The following STYXL1 variants were observed in gnomAD, a reference collection of about 807,000 sequenced individuals.
The protein encoded by STYXL1 is serine/threonine/tyrosine interacting like 1.
A neutral mutation model predicts 36.4 loss-of-function variants in STYXL1; 32 were observed. The ratio of observed to expected loss-of-function variants is 0.88; its 90% CI spans 0.66 to 1.18. The LOEUF is 1.18. Ranked by LOEUF, STYXL1 falls within the 50% of genes most tolerant of loss-of-function variation. STYXL1 has a pLI of 0.00. For synonymous variants in STYXL1, 133 were observed against 144.1 expected, an observed-to-expected ratio of 0.92 and a Z score of 0.55; for missense variants, 354 against 394.1, an observed-to-expected ratio of 0.90 and a Z score of 0.86.
chr7:76,033,662 C>A (rs1255266066), intron 1 of STYXL1, among the ~76,000 whole-genome samples: 2 of 152,120 alleles, frequency 1.3e-5, no homozygotes, highest in Non-Finnish European at 2.9e-5. Flanking sequence ...GTTCTCAGCA[C>A]CCCCTCCACA....
At chr7:76,012,748 T>A (rs1554572561) in intron 5 of STYXL1, among the ~76,000 whole-genome samples, 3 of 152,118 alleles carry the variant, frequency 2.0e-5, no homozygotes, top group African/African-American at 7.2e-5. Context: ...CTCAGGCCGG[T>A]CTCAAAGTAC....
At chr7:76,042,389 G>GTTTTTTTT (rs1563528839) in intron 1 of STYXL1, among the ~76,000 whole-genome samples, 1 of 22,246 alleles carries the variant, frequency 4.5e-5, no homozygotes, top group African/African-American at 7.5e-5. Context: ...GCCCTTATGT[G>GTTTTTTTT]CTTTTTTTTT....
intron 6 of STYXL1, 137 bp downstream of exon 6, chr7:76,005,122 C>G: frequency 4.9e-6 from 2 of 411,600 alleles, no homozygotes; most frequent in Non-Finnish European, 7.0e-6. Flanking sequence ...ACATATGTAA[C>G]AAACCTGCCC....
chr7:76,044,269 C>T (rs2116534981), intron 1 of STYXL1: 1 of 152,300 alleles, frequency 6.6e-6, no homozygotes, highest in South Asian at 2.1e-4. Flanking sequence ...ATTCTCCTGC[C>T]TTAGCTTCCT....
At chr7:76,042,025 T>C (rs1041726257) in intron 1 of STYXL1, among the ~76,000 whole-genome samples, 6 of 152,198 alleles carry the variant, frequency 3.9e-5, no homozygotes, top group African/African-American at 7.2e-5. Flanking sequence ...CTTGTCGAGA[T>C]TGATGTGTTT....
chr7:76,022,185 T>C (rs531220983), intron 3 of STYXL1, among the ~76,000 whole-genome samples, 193 bp from the exon 4 acceptor site: 1 of 152,248 alleles, frequency 6.6e-6, no homozygotes, highest in Non-Finnish European at 1.5e-5. Context: ...CACAACTGTG[T>C]TCCCTTCTGA....
chr7:76,005,532 T>A, intron 5 of STYXL1, 128 bp from the exon 6 acceptor site: 1 of 868,884 alleles, frequency 1.2e-6, no homozygotes, highest in Admixed American at 2.3e-5. Flanking sequence ...GTGACGGAGA[T>A]CCAGACTTTG....
intron 5 of STYXL1, among the ~76,000 whole-genome samples, chr7:76,006,232 C>G (rs1300255423): frequency 4.6e-5 from 7 of 152,018 alleles, no homozygotes; most frequent in Non-Finnish European, 1.0e-4. Context: ...TGACCATACT[C>G]AGCTAATTTT....
chr7:76,003,828 C>T lies in STYXL1; in HGVS notation c.627G>A (p.Leu209=), dbSNP rs1392454221. The change falls in exon 7 of 9, where the codon CTG becomes CTA. Residue 209 remains leucine, a synonymous_variant. Coordinates refer to ENST00000359697, the MANE Select transcript of STYXL1 (RefSeq NM_001317785.2). The part of the protein sequence containing the change: ...PFFAGDADKL[L]HIRIEDSPEA... ...CCGGGGAATCTTCTATCCGGATGTG[C>T]AGAAGCTTGTCAGCATCGCCTGCAA... 1.2e-6 allele frequency: 2 copies of T among 1,614,052 alleles called. No homozygotes were observed. The highest frequency in any genetic ancestry group is 1.7e-6 in the Non-Finnish European group (2 of 1,180,044).
intron 5 of STYXL1, among the ~76,000 whole-genome samples, chr7:76,009,016 A>T (rs1170181120): frequency 6.6e-6 from 1 of 151,888 alleles, no homozygotes; most frequent in African/African-American, 2.4e-5. Flanking sequence ...ACCAAAACAA[A>T]ACAAAACAAA....
At chr7:76,019,982 T>C (rs1554575510) in intron 4 of STYXL1, among the ~76,000 whole-genome samples, 1 of 150,628 alleles carries the variant, frequency 6.6e-6, no homozygotes, top group East Asian at 1.9e-4. Flanking sequence ...CTTGAGATGG[T>C]CTTGTACCCC....
At chr7:76,009,706 G>A in intron 5 of STYXL1, among the ~76,000 whole-genome samples, 1 of 152,216 alleles carries the variant, frequency 6.6e-6, no homozygotes, top group East Asian at 1.9e-4. Flanking sequence ...TCCAAGCCCA[G>A]CCTTTTAAAA....
At chr7:76,011,556 G>C (rs375302617) in intron 5 of STYXL1, among the ~76,000 whole-genome samples, 1 of 152,194 alleles carries the variant, frequency 6.6e-6, no homozygotes, top group Non-Finnish European at 1.5e-5. Context: ...ATCTGCTCAC[G>C]ATGTTGCTAA....
intron 3 of STYXL1, among the ~76,000 whole-genome samples, chr7:76,027,759 T>C (rs193278884): frequency 9.4e-4 from 143 of 152,246 alleles, no homozygotes; most frequent in Non-Finnish European, 1.7e-3. Context: ...GGCTGTTGTA[T>C]TCTGTTGTAT....
intron 1 of STYXL1, among the ~76,000 whole-genome samples, chr7:76,037,878 C>T (rs527293539): frequency 6.0e-5 from 9 of 150,042 alleles, no homozygotes; most frequent in African/African-American, 7.3e-5. Context: ...TTCTGGTTCG[C>T]GGTGGGAAGC....
Position 76,031,247 on chromosome 7 carries a change from C to T in STYXL1, c.-4-720G>A, listed in dbSNP as rs111959600. Among the ~76,000 whole-genome samples, 892 of 136,686 alleles carry T rather than the reference C, an allele frequency of 6.5e-3. 18 individuals are homozygous for T. The highest frequency in any genetic ancestry group is 0.023 in the African/African-American group (856 of 36,820). The allele number at this position is 136,686 out of a possible 152,430, so 89.7% of individuals were successfully genotyped here. A position where few individuals can be genotyped will look rare whatever the true frequency, so the allele number is the denominator to read the frequency against. Reference sequence around the variant, plus strand: ...TCGGGAGACTGAGGCAAAAGAATCACTTGAACCTGGGAGGCAGAGGTTGCA... The same window carrying T: ...TCGGGAGACTGAGGCAAAAGAATCATTTGAACCTGGGAGGCAGAGGTTGCA... On this transcript the variant is annotated intron_variant, in intron 1 of 8. Coordinates refer to ENST00000359697, the MANE Select transcript of STYXL1 (RefSeq NM_001317785.2).
intron 3 of STYXL1, among the ~76,000 whole-genome samples, chr7:76,025,717 G>A (rs189893709): frequency 1.3e-5 from 2 of 152,068 alleles, no homozygotes; most frequent in Admixed American, 6.6e-5. Flanking sequence ...TTGAACTTGG[G>A]AGATGGAGGT....
At position 76,013,806 on chromosome 7, in the gene STYXL1, C is replaced by T; in HGVS notation, c.389G>A (p.Gly130Asp). The change falls in exon 5 of 9, where the codon GGC becomes GAC. Residue 130 changes from glycine (G) to aspartate (D), a missense_variant. By Grantham distance (94) the Gly-to-Asp change is moderately conservative. Coordinates refer to ENST00000359697, the MANE Select transcript of STYXL1 (RefSeq NM_001317785.2). ...GTACGTGCCTGAGAAGCGCTCATAG[C>T]CCCCTTTCAGGATGTAGACGGGGTG... ...THHPVYILKG[G>D]YERFSGTYHF... is the part of the protein sequence containing the mutation. The T allele has an allele frequency of 6.2e-7, 1 of 1,613,934 alleles. No homozygotes were observed. The highest frequency in any genetic ancestry group is 8.5e-7 in the Non-Finnish European group (1 of 1,179,974).
intron 4 of STYXL1, among the ~76,000 whole-genome samples, chr7:76,020,721 G>A (rs1208283169): frequency 6.6e-6 from 1 of 152,104 alleles, no homozygotes; most frequent in African/African-American, 2.4e-5. Flanking sequence ...ATATCACCCA[G>A]GCTGGTCTTG....
Sources: gnomAD v4.1 joint callset for allele counts (sites outside exome capture counted in the v4.1 genomes callset) on GRCh38, gnomAD v4.1.1 for gene constraint, MANE v1.5 for transcripts, NCBI Gene and HGNC (gene_info 2026-07-23, HGNC 2026-07-21) for gene names.